The following MAST2 variants were observed in gnomAD, a reference collection of about 807,000 sequenced individuals.
The protein encoded by MAST2 is microtubule-associated serine/threonine-protein kinase 2.
MAST2 carries 70 observed loss-of-function variants against 147.4 expected under a neutral mutation model. The observed-to-expected ratio is 0.47, with a 90% CI of 0.39 to 0.58. The LOEUF is 0.58. Ranked by LOEUF, MAST2 falls within the 20% of genes least tolerant of loss-of-function variation. The probability of loss-of-function intolerance (pLI) is 0.00; values close to 1 mark genes in which losing one functional copy is unlikely to be tolerated. For synonymous variants in MAST2, 869 were observed against 896.8 expected (o/e 0.97, Z 0.55); for missense variants, 2,080 against 2,302.3 (o/e 0.90, Z 1.98).
At chr1:45,937,380 C>T (rs1479998177) in intron 4 of MAST2, among the ~76,000 whole-genome samples, 1 of 151,996 alleles carries the variant, frequency 6.6e-6, no homozygotes, top group Non-Finnish European at 1.5e-5. Context: ...ATCCTCCCAC[C>T]TCAGCTTCCC....
chr1:46,025,834 T>A lies in MAST2; in HGVS notation c.1919+19T>A, dbSNP rs1352627673. On this transcript the variant is annotated intron_variant, in intron 16 of 28. Transcript: ENST00000361297. Reference sequence around the variant, plus strand: ...CTGACAAGTATGTCCACAGTCTGTGTCCCTTGTCCAGGGTCTCCCTCTTGG... The same window carrying A: ...CTGACAAGTATGTCCACAGTCTGTGACCCTTGTCCAGGGTCTCCCTCTTGG... The A allele has an allele frequency of 6.2e-7, 1 of 1,614,158 alleles. No homozygotes were observed. Among genetic ancestry groups the A allele is most frequent in the Non-Finnish European group, 8.5e-7 (1 of 1,179,992 alleles).
chr1:45,837,941 G>T (rs151169863), intron 3 of MAST2, among the ~76,000 whole-genome samples: 1 of 152,162 alleles, frequency 6.6e-6, no homozygotes, highest in Non-Finnish European at 1.5e-5. Context: ...ACCACGCCCA[G>T]CTGATTTTCG....
chr1:45,889,187 G>GA (rs202117025), intron 4 of MAST2, among the ~76,000 whole-genome samples: 12 of 151,198 alleles, frequency 7.9e-5, no homozygotes, highest in Admixed American at 2.0e-4. Context: ...CTTTTTTGGT[G>GA]AAATTTTTTT....
chr1:45,949,117 A>T, intron 4 of MAST2, among the ~76,000 whole-genome samples: 1 of 150,554 alleles, frequency 6.6e-6, no homozygotes. Flanking sequence ...ACGTAAAACT[A>T]TGAAAACCCT....
At position 45,977,337 on chromosome 1, in the gene MAST2, A is replaced by AAT. The variant is rs539092618; in HGVS notation, c.592+17861_592+17862dup. Among the ~76,000 whole-genome samples, 310 of 151,816 alleles carry AAT rather than the reference A, an allele frequency of 2.0e-3. 2 individuals carry two copies. The highest frequency in any genetic ancestry group is 6.7e-3 in the African/African-American group (276 of 41,390). On this transcript the variant is annotated intron_variant, in intron 5 of 28. Coordinates refer to ENST00000361297, the MANE Select transcript of MAST2 (RefSeq NM_015112.3). ...ACCCGGTCTCTACTAAAAATACAAA[A>AAT]ATTAGCCAGGCGTGCTGGCGGGCGC...
In MAST2 at chr1:45,883,537, C is replaced by T. The variant is rs76756288; in HGVS notation, c.500+1142C>T. Reference sequence around the variant, plus strand: ...CTTTATCTTCTTAAACCTCAGTTGCCTTATCTATAAAATGAAGATAATGTT... The same window carrying T: ...CTTTATCTTCTTAAACCTCAGTTGCTTTATCTATAAAATGAAGATAATGTT... On this transcript the variant is annotated intron_variant, in intron 4 of 28. Coordinates refer to ENST00000361297, the MANE Select transcript of MAST2 (RefSeq NM_015112.3). 2.9e-3 allele frequency among the ~76,000 whole-genome samples: 445 copies of T among 152,216 alleles called. 2 individuals carry two copies. The highest frequency in any genetic ancestry group is 0.02 in the East Asian group (105 of 5,178).
intron 6 of MAST2, among the ~76,000 whole-genome samples, chr1:46,002,060 T>C (rs1409463378): frequency 2.0e-5 from 3 of 152,152 alleles, no homozygotes; most frequent in African/African-American, 7.2e-5. Context: ...TCAAACTAGA[T>C]CCCTGCTTGA....
intron 4 of MAST2, among the ~76,000 whole-genome samples, chr1:45,933,077 A>AAG (rs1655582521): frequency 6.7e-6 from 1 of 150,198 alleles, no homozygotes; most frequent in Admixed American, 6.6e-5. Flanking sequence ...AAAAAAAAAA[A>AAG]AAAAAAAAAA....
At chr1:45,929,667 T>A (rs1018155663) in intron 4 of MAST2, among the ~76,000 whole-genome samples, 5 of 152,108 alleles carry the variant, frequency 3.3e-5, no homozygotes, top group African/African-American at 1.2e-4. Flanking sequence ...GGCTAGAGAG[T>A]CCTGCTGTTA....
At chr1:45,891,612 A>T (rs1297947301) in intron 4 of MAST2, among the ~76,000 whole-genome samples, 1 of 152,164 alleles carries the variant, frequency 6.6e-6, no homozygotes, top group Non-Finnish European at 1.5e-5. Context: ...ATAGTTTTTT[A>T]TTGGAAATAT....
At chr1:45,951,850 T>A (rs1658974871) in intron 4 of MAST2, among the ~76,000 whole-genome samples, 1 of 152,114 alleles carries the variant, frequency 6.6e-6, no homozygotes, top group Admixed American at 6.5e-5. Flanking sequence ...CAACAGAATA[T>A]GGAGAAATGG....
At chr1:45,816,948 A>G (rs1401704387) in intron 1 of MAST2, among the ~76,000 whole-genome samples, 1 of 152,170 alleles carries the variant, frequency 6.6e-6, no homozygotes, top group Non-Finnish European at 1.5e-5. Flanking sequence ...AAGTGTTGGG[A>G]TTACAGGCGT....
Position 46,019,715 on chromosome 1 carries a change from A to G in MAST2, c.1290+18A>G. Reference sequence around the variant, plus strand: ...AATGCCTGGTGAGTGGACTCTAGGAAAGTCAGGTGGGCAGATTTAGAGGAG... The same window carrying G: ...AATGCCTGGTGAGTGGACTCTAGGAGAGTCAGGTGGGCAGATTTAGAGGAG... On this transcript the variant is annotated intron_variant, in intron 11 of 28. Transcript: ENST00000361297. 1 of 1,607,906 alleles carries G rather than the reference A, an allele frequency of 6.2e-7. No individual in the cohort carries two copies. The highest frequency in any genetic ancestry group is 8.5e-7 in the Non-Finnish European group (1 of 1,174,328).
chr1:45,945,866 A>G (rs1657950831), intron 4 of MAST2, among the ~76,000 whole-genome samples: 1 of 152,158 alleles, frequency 6.6e-6, no homozygotes, highest in Non-Finnish European at 1.5e-5. Context: ...ATATACCACA[A>G]CTTCCCAGAC....
At chr1:45,837,261 C>T (rs1293810421) in intron 3 of MAST2, among the ~76,000 whole-genome samples, 1 of 152,206 alleles carries the variant, frequency 6.6e-6, no homozygotes, top group Non-Finnish European at 1.5e-5. Flanking sequence ...CGCTTGTGTC[C>T]CTTTGCTGTC....
intron 3 of MAST2, among the ~76,000 whole-genome samples, chr1:45,871,098 G>A (rs1190809418): frequency 7.6e-6 from 1 of 131,862 alleles, no homozygotes; most frequent in Non-Finnish European, 1.6e-5. Flanking sequence ...AAAAAAAAAA[G>A]TCCTGTTTGT....
intron 5 of MAST2, among the ~76,000 whole-genome samples, chr1:45,964,169 A>G (rs566179798): frequency 6.6e-6 from 1 of 152,198 alleles, no homozygotes; most frequent in Non-Finnish European, 1.5e-5. Flanking sequence ...ATATTGGTCT[A>G]AAATTCTCTT....
chr1:46,003,005 G>A, intron 7 of MAST2, 122 bp downstream of exon 7: 1 of 983,026 alleles, frequency 1.0e-6, no homozygotes, highest in Non-Finnish European at 1.6e-6. Flanking sequence ...AGAGGTTGCT[G>A]AGAGATGATG....
At chr1:45,913,597 G>A (rs887194693) in intron 4 of MAST2, 5 of 992,462 alleles carry the variant, frequency 5.0e-6, no homozygotes, top group Non-Finnish European at 6.0e-6. Flanking sequence ...GATTCATTTG[G>A]GATCTGGAAC....
Sources: allele counts gnomAD v4.1 joint callset (sites outside exome capture counted in the v4.1 genomes callset), GRCh38; gene constraint gnomAD v4.1.1; transcripts MANE v1.5; gene names NCBI Gene and HGNC (gene_info 2026-07-23, HGNC 2026-07-21).